NGEF: variants seen among roughly 807,000 people sequenced by gnomAD.
NGEF encodes neuronal guanine nucleotide exchange factor, also known as ephexin-1.
Under a neutral mutation model 80.9 loss-of-function variants are expected in NGEF, and 31 were observed. That is an observed-to-expected ratio of 0.38 (90% CI 0.29 to 0.52). NGEF has a LOEUF of 0.52. Among genes scored for constraint, NGEF ranks in the 20% least tolerant of loss-of-function variants. The probability of loss-of-function intolerance (pLI) is 0.84; values close to 1 mark genes in which losing one functional copy is unlikely to be tolerated. For synonymous variants in NGEF, 371 were observed against 370.2 expected, an observed-to-expected ratio of 1.00 and a Z score of -0.03; for missense variants, 709 against 926.2, an observed-to-expected ratio of 0.77 and a Z score of 3.04.
chr2:232,973,823 G>A (rs1434911247), intron 2 of NGEF, among the ~76,000 whole-genome samples: 1 of 152,238 alleles, frequency 6.6e-6, no homozygotes, highest in Non-Finnish European at 1.5e-5. Flanking sequence ...TCTATATTTT[G>A]AGGGGAGTTT....
intron 3 of NGEF, among the ~76,000 whole-genome samples, chr2:232,955,413 C>T (rs1301023936): frequency 2.6e-5 from 4 of 152,138 alleles, no homozygotes; most frequent in African/African-American, 9.7e-5. Flanking sequence ...CTATGATGTC[C>T]TTTAGAGTAA....
chr2:232,951,313 C>T (rs1488952652), intron 3 of NGEF, among the ~76,000 whole-genome samples: 1 of 152,182 alleles, frequency 6.6e-6, no homozygotes, highest in Non-Finnish European at 1.5e-5. Context: ...GTAAAGCGAG[C>T]CACCTGTCAT....
At chr2:232,928,002 G>A (rs1317546372) in intron 3 of NGEF, 5 of 1,232,852 alleles carry the variant, frequency 4.1e-6, no homozygotes, top group Non-Finnish European at 5.1e-6. Context: ...AGCTCCATAG[G>A]GTCGGCGGCG....
intron 3 of NGEF, among the ~76,000 whole-genome samples, chr2:232,952,970 C>CAAAAAAAA (rs57198276): frequency 2.7e-5 from 2 of 73,066 alleles, no homozygotes; most frequent in Non-Finnish European, 5.3e-5. Flanking sequence ...AGACAGCCCT[C>CAAAAAAAA]AAAAAAAAAA....
At chr2:232,963,745 C>A (rs918636050) in intron 3 of NGEF, among the ~76,000 whole-genome samples, 1 of 151,698 alleles carries the variant, frequency 6.6e-6, no homozygotes. Flanking sequence ...ACCTGGGAGG[C>A]AAGGTTGCAG....
chr2:232,997,416 A>T (rs1694876778), intron 1 of NGEF, among the ~76,000 whole-genome samples: 2 of 152,166 alleles, frequency 1.3e-5, no homozygotes, highest in African/African-American at 4.8e-5. Context: ...CGGGGTCCTG[A>T]GGTGACACAG....
In NGEF at chr2:232,906,651, C is replaced by T. The variant is rs569800576; in HGVS notation, c.829-11735G>A. 4.6e-5 allele frequency among the ~76,000 whole-genome samples: 4 copies of T among 87,472 alleles called. 2 individuals are homozygous for T. The East Asian group carries it at 1.4e-3, about 30-fold the overall frequency. 57.4% of individuals were successfully genotyped at this position (87,472 alleles called of 152,430 possible). A position where few individuals can be genotyped will look rare whatever the true frequency, so the allele number is the denominator to read the frequency against. ...CCCTACTGGGAAGTGAGGAGCCCCT[C>T]TGCCCGGCCACCACCCCATCTGGGA... On this transcript the variant is annotated intron_variant, in intron 5 of 14. Coordinates refer to ENST00000264051, the MANE Select transcript of NGEF (RefSeq NM_019850.3).
rs377475923 is a variant in NGEF, at chr2:232,974,899, A to G, written c.-9T>C. On this transcript the variant is annotated 5_prime_UTR_variant, in exon 2 of 15. Coordinates refer to ENST00000264051, the MANE Select transcript of NGEF (RefSeq NM_019850.3). ...GATTCCCTGGTCTCCATGGAAATAGAGCCAGATGTTTCTCAGCAGAACGAC... is the reference window on the plus strand; with the variant it reads ...GATTCCCTGGTCTCCATGGAAATAGGGCCAGATGTTTCTCAGCAGAACGAC... The G allele has an allele frequency of 2.7e-5, 43 of 1,610,984 alleles. No individual in the cohort carries two copies. In the African/African-American group the frequency reaches 3.9e-4, roughly 15 times the overall value.
intron 4 of NGEF, among the ~76,000 whole-genome samples, chr2:232,926,518 G>GCT (rs1441739377): frequency 8.5e-5 from 13 of 152,238 alleles, no homozygotes; most frequent in Middle Eastern, 3.4e-3. Flanking sequence ...GGCCTCTGGG[G>GCT]CTCTTGCTTC....
rs114751302 is a variant in NGEF, at chr2:232,967,992, A to C, written c.383+2222T>G. On this transcript the variant is annotated intron_variant, in intron 3 of 14. Transcript: ENST00000264051. ...TGGCTTACAAAACAGCAAAAATTTG[A>C]AACTGTCTTGGGTCAGAGATTGCTG... Among the ~76,000 whole-genome samples the C allele has an allele frequency of 7.0e-3, 1,063 of 152,192 alleles. 12 individuals are homozygous for C. Among genetic ancestry groups the C allele is most frequent in the African/African-American group, 0.024 (999 of 41,490 alleles).
chr2:233,011,873 C>T (rs928761505), intron 1 of NGEF, among the ~76,000 whole-genome samples: 4 of 152,162 alleles, frequency 2.6e-5, no homozygotes, highest in Non-Finnish European at 5.9e-5. Flanking sequence ...TGGGGATCCC[C>T]TCCCTGGGAG....
At chr2:232,904,330 G>C (rs1692440343) in intron 5 of NGEF, among the ~76,000 whole-genome samples, 1 of 152,088 alleles carries the variant, frequency 6.6e-6, no homozygotes, top group Admixed American at 6.5e-5. Context: ...CTGGGTTCAA[G>C]TGATTCTCCT....
chr2:232,980,471 C>A (rs1694389705), intron 1 of NGEF, among the ~76,000 whole-genome samples: 1 of 151,224 alleles, frequency 6.6e-6, no homozygotes, highest in Non-Finnish European at 1.5e-5. Flanking sequence ...TCAGGAGGTC[C>A]TGGGTGGGGG....
chr2:232,914,265 C>T (rs1179884733), intron 5 of NGEF, among the ~76,000 whole-genome samples: 5 of 152,218 alleles, frequency 3.3e-5, no homozygotes, highest in South Asian at 2.1e-4. Context: ...TCTAGACTTA[C>T]GCTGATCAAC....
At chr2:232,910,120 G>T (rs925520504) in intron 5 of NGEF, among the ~76,000 whole-genome samples, 3 of 152,064 alleles carry the variant, frequency 2.0e-5, no homozygotes, top group Non-Finnish European at 4.4e-5. Flanking sequence ...TGTCATGATT[G>T]GGGGGAGGGT....
At chr2:232,936,469 A>C (rs969420400) in intron 3 of NGEF, among the ~76,000 whole-genome samples, 1 of 152,114 alleles carries the variant, frequency 6.6e-6, no homozygotes, top group African/African-American at 2.4e-5. Context: ...GCCTTGGCCC[A>C]CTCTGGATAG....
intron 11 of NGEF, 29 bp downstream of exon 11, chr2:232,883,952 A>G (rs1445592664): frequency 7.6e-6 from 12 of 1,584,206 alleles, no homozygotes; most frequent in African/African-American, 1.3e-5. Context: ...TACCCACCGG[A>G]GCGCCTGATG....
chr2:232,902,386 C>T (rs1331744388), intron 5 of NGEF, among the ~76,000 whole-genome samples: 1 of 152,204 alleles, frequency 6.6e-6, no homozygotes, highest in Non-Finnish European at 1.5e-5. Context: ...CGAGGCCGGA[C>T]TGAGCAGGTC....
At chr2:232,994,151 C>T (rs1425464978) in intron 1 of NGEF, among the ~76,000 whole-genome samples, 1 of 152,072 alleles carries the variant, frequency 6.6e-6, no homozygotes, top group Admixed American at 6.6e-5. Flanking sequence ...GGGTGGATCA[C>T]TTGAGGTACG....
Sources: gnomAD v4.1 joint callset for allele counts (sites outside exome capture counted in the v4.1 genomes callset) on GRCh38, gnomAD v4.1.1 for gene constraint, MANE v1.5 for transcripts, NCBI Gene and HGNC (gene_info 2026-07-23, HGNC 2026-07-21) for gene names.